Variants in BAIAP2L1 observed in about 807,000 individuals in gnomAD.
BAIAP2L1 encodes BAR/IMD domain-containing adapter protein 2-like 1.
Under a neutral mutation model 66.3 loss-of-function variants are expected in BAIAP2L1, and 35 were observed. The ratio of observed to expected loss-of-function variants is 0.53; its 90% CI spans 0.40 to 0.70. The LOEUF is 0.70. Among genes scored for constraint, BAIAP2L1 ranks in the 30% least tolerant of loss-of-function variants. BAIAP2L1 has a pLI of 0.00. For synonymous variants in BAIAP2L1, 269 were observed against 248.7 expected (o/e 1.08, Z -0.77); for missense variants, 622 against 656.9 (o/e 0.95, Z 0.58).
intron 1 of BAIAP2L1, among the ~76,000 whole-genome samples, chr7:98,398,052 A>C (rs1803258058): frequency 6.6e-6 from 1 of 152,162 alleles, no homozygotes; most frequent in African/African-American, 2.4e-5. Flanking sequence ...GTATTCCTTT[A>C]TTTCATAATT....
chr7:98,373,918 T>C lies in BAIAP2L1; in HGVS notation c.52-11486A>G, dbSNP rs1325600630. On this transcript the variant is annotated intron_variant, in intron 1 of 13. Transcript: ENST00000005260. The stretch of plus-strand genomic sequence containing the variant: ...GGAGAAGGGTACGGGACAAAGGACA[T>C]TGAAGGTGTTATGATCTTCTGCTTT... Among the ~76,000 whole-genome samples the C allele has an allele frequency of 3.9e-5, 6 of 152,214 alleles. No individual in the cohort carries two copies. The South Asian group carries it at 1.0e-3, about 26-fold the overall frequency.
chr7:98,364,690 GA>G (rs1802350493), intron 1 of BAIAP2L1, among the ~76,000 whole-genome samples: 1 of 152,060 alleles, frequency 6.6e-6, no homozygotes, highest in Non-Finnish European at 1.5e-5. Context: ...GAATTTTTAA[GA>G]CATCACTTGG....
chr7:98,338,728 G>A (rs1330009343), intron 3 of BAIAP2L1, among the ~76,000 whole-genome samples: 1 of 152,142 alleles, frequency 6.6e-6, no homozygotes, highest in East Asian at 1.9e-4. Flanking sequence ...CATCTGGGCT[G>A]CCTCCACCTT....
Position 98,393,064 on chromosome 7 carries a change from C to CGT in BAIAP2L1, c.51+7737_51+7738insAC, listed in dbSNP as rs1344398573. Among the ~76,000 whole-genome samples the CGT allele has an allele frequency of 4.9e-5, 4 of 81,822 alleles. 1 individual carries two copies. Among genetic ancestry groups the CGT allele is most frequent in the Non-Finnish European group, 7.8e-5 (3 of 38,614 alleles). The allele number at this position is 81,822 out of a possible 152,430, so 53.7% of individuals were successfully genotyped here. ...ATATATACGTGTACATATATGTACACATATATGTATACACACACATATATA... is the reference window on the plus strand; with the variant it reads ...ATATATACGTGTACATATATGTACACGTATATATGTATACACACACATATATA... On this transcript the variant is annotated intron_variant, in intron 1 of 13. Transcript: ENST00000005260.
rs548657780 is a variant in BAIAP2L1 at position 98,390,211 on chromosome 7, G to A, written c.51+10591C>T. On this transcript the variant is annotated intron_variant, in intron 1 of 13. Transcript: ENST00000005260. ...ATTACAGGCATGAGCCACTGCGCCC[G>A]GTCTCGGGTTAGTAAATGTTAAACA... 1.2e-4 allele frequency among the ~76,000 whole-genome samples: 18 copies of A among 151,662 alleles called. No homozygotes were observed. The East Asian group carries it at 2.0e-3, about 17-fold the overall frequency.
At chr7:98,305,323 A>T (rs1800614097) in intron 11 of BAIAP2L1, among the ~76,000 whole-genome samples, 1 of 24,610 alleles carries the variant, frequency 4.1e-5, no homozygotes, top group Non-Finnish European at 1.4e-4. Context: ...CTAAGAGTTA[A>T]AAAAAAAAAA....
chr7:98,345,159 G>A (rs952627755), intron 3 of BAIAP2L1, among the ~76,000 whole-genome samples: 4 of 151,964 alleles, frequency 2.6e-5, no homozygotes, highest in African/African-American at 9.7e-5. Flanking sequence ...ATTTACATCC[G>A]CAATAAAGAG....
intron 1 of BAIAP2L1, among the ~76,000 whole-genome samples, chr7:98,375,497 C>T (rs866191979): frequency 1.3e-5 from 2 of 151,814 alleles, no homozygotes; most frequent in Admixed American, 6.6e-5. Context: ...TGCCTATAAT[C>T]CCAGCACTTT....
chr7:98,372,144 C>T (rs192733623), intron 1 of BAIAP2L1, among the ~76,000 whole-genome samples: 20 of 151,880 alleles, frequency 1.3e-4, no homozygotes, highest in African/African-American at 4.1e-4. Context: ...TGTTGGCTCA[C>T]GTCTGTAAGC....
chr7:98,314,638 A>G (rs1022172994), intron 7 of BAIAP2L1, among the ~76,000 whole-genome samples: 18 of 152,264 alleles, frequency 1.2e-4, no homozygotes, highest in African/African-American at 4.3e-4. Context: ...AGGAACCAAT[A>G]CCACCAAGAG....
At chr7:98,368,685 G>A (rs1242011571) in intron 1 of BAIAP2L1, among the ~76,000 whole-genome samples, 1 of 152,150 alleles carries the variant, frequency 6.6e-6, no homozygotes, top group East Asian at 1.9e-4. Flanking sequence ...GCAAGACTCT[G>A]TCTCAAAAAA....
At chr7:98,349,412 C>T (rs758779589) in intron 3 of BAIAP2L1, among the ~76,000 whole-genome samples, 1 of 152,304 alleles carries the variant, frequency 6.6e-6, no homozygotes. Context: ...AGAAGAGCCA[C>T]GCCCACGCTA....
At chr7:98,325,330 T>C (rs1215956832) in intron 3 of BAIAP2L1, among the ~76,000 whole-genome samples, 1 of 151,250 alleles carries the variant, frequency 6.6e-6, no homozygotes, top group Non-Finnish European at 1.5e-5. Context: ...ATCAGGCCAC[T>C]GCACTCCAGC....
At chr7:98,348,297 T>C (rs1372588344) in intron 3 of BAIAP2L1, among the ~76,000 whole-genome samples, 4 of 152,230 alleles carry the variant, frequency 2.6e-5, no homozygotes, top group East Asian at 1.9e-4. Context: ...CCAGGCGCAG[T>C]GGCTCACATC....
At position 98,396,392 on chromosome 7, in the gene BAIAP2L1, C is replaced by G. The variant is rs1803209751; in HGVS notation, c.51+4410G>C. Among the ~76,000 whole-genome samples the G allele has an allele frequency of 3.3e-5, 5 of 152,190 alleles. 1 individual carries two copies. The Middle Eastern group carries it at 0.01, about 311-fold the overall frequency. On this transcript the variant is annotated intron_variant, in intron 1 of 13. Transcript: ENST00000005260. ...CCTCATTTTATTAAGAGAGTTTGTT[C>G]AAAACATGCCAATGATGATGAATTA...
intron 3 of BAIAP2L1, among the ~76,000 whole-genome samples, chr7:98,333,973 G>A (rs1198102107): frequency 6.6e-6 from 1 of 152,086 alleles, no homozygotes; most frequent in Non-Finnish European, 1.5e-5. Flanking sequence ...TGAGTTTGAT[G>A]TTTATTAGGT....
chr7:98,399,889 C>G (rs994796405), intron 1 of BAIAP2L1: 1 of 152,146 alleles, frequency 6.6e-6, no homozygotes, highest in Non-Finnish European at 1.5e-5. Context: ...CCAAATAACC[C>G]ATATATAAAA....
chr7:98,300,190 A>C lies in BAIAP2L1; in HGVS notation c.1422+4006T>G, dbSNP rs1800362754. Reference sequence around the variant, plus strand: ...CATCTGTGCTGCTCGTCTCTGACACACACATGCTTGATCCATGATCCCTGC... The same window carrying C: ...CATCTGTGCTGCTCGTCTCTGACACCCACATGCTTGATCCATGATCCCTGC... On this transcript the variant is annotated intron_variant, in intron 12 of 13. Coordinates refer to ENST00000005260, the MANE Select transcript of BAIAP2L1 (RefSeq NM_018842.5). Among the ~76,000 whole-genome samples, 3 of 152,158 alleles carry C rather than the reference A, an allele frequency of 2.0e-5. No individual in the cohort carries two copies. In the South Asian group the frequency reaches 6.2e-4, roughly 32 times the overall value.
chr7:98,310,120 G>C (rs992113766), intron 9 of BAIAP2L1: 1 of 226,480 alleles, frequency 4.4e-6, no homozygotes, highest in Non-Finnish European at 8.6e-6. Flanking sequence ...CAAAGGGCTG[G>C]GATTACAGGC....
Sources: allele counts gnomAD v4.1 joint callset (sites outside exome capture counted in the v4.1 genomes callset), GRCh38; gene constraint gnomAD v4.1.1; transcripts MANE v1.5; gene names NCBI Gene and HGNC (gene_info 2026-07-23, HGNC 2026-07-21).